The following PIP4K2A variants were observed in gnomAD, a reference collection of about 807,000 sequenced individuals.
PIP4K2A encodes phosphatidylinositol 5-phosphate 4-kinase type-2 alpha.
In PIP4K2A, 14 loss-of-function variants were observed where a neutral mutation model predicts 42.9. The observed-to-expected ratio is 0.33, with a 90% CI of 0.22 to 0.51. The LOEUF (loss-of-function observed/expected upper bound fraction) is 0.51, where lower values mean the gene tolerates loss of function less well. Ranked by LOEUF, PIP4K2A falls within the 20% of genes least tolerant of loss-of-function variation. The probability of loss-of-function intolerance (pLI) is 0.97; values close to 1 mark genes in which losing one functional copy is unlikely to be tolerated. For missense variants in PIP4K2A, 434 were observed against 519.8 expected, an observed-to-expected ratio of 0.83 and a Z score of 1.61; for synonymous variants, 192 against 192.2, an observed-to-expected ratio of 1.00 and a Z score of 0.01.
At chr10:22,673,846 C>T (rs1173562463) in intron 1 of PIP4K2A, among the ~76,000 whole-genome samples, 1 of 152,116 alleles carries the variant, frequency 6.6e-6, no homozygotes, top group Non-Finnish European at 1.5e-5. Flanking sequence ...CCTTTTTCTT[C>T]AGTAATACAC....
rs1833967811 is a variant in PIP4K2A, at chr10:22,714,222, G to T, written c.105C>A (p.Asp35Glu). ...CCCACATGAGGACGCTGAGCAGCGG[G>T]TCGCTGGCCCGAAACAGCTTCACTT... ...AQKVKLFRAS[D>E]PLLSVLMWGV... The change falls in exon 1 of 10, where the codon GAC becomes GAA. Residue 35 changes from aspartate (D) to glutamate (E), a missense_variant. Coordinates refer to ENST00000376573, the MANE Select transcript of PIP4K2A (RefSeq NM_005028.5). 13 of 1,611,954 alleles carry T rather than the reference G, an allele frequency of 8.1e-6. No homozygotes were observed. Among genetic ancestry groups the T allele is most frequent in the Non-Finnish European group, 1.1e-5 (13 of 1,178,920 alleles).
chr10:22,548,708 TAGAAG>T (rs1003876031), intron 7 of PIP4K2A, among the ~76,000 whole-genome samples: 2 of 152,180 alleles, frequency 1.3e-5, no homozygotes, highest in Non-Finnish European at 2.9e-5. Context: ...AGGAAAATGT[TAGAAG>T]AGAAAAGCAA....
At chr10:22,612,397 G>A (rs1025203972) in intron 1 of PIP4K2A, among the ~76,000 whole-genome samples, 4 of 152,242 alleles carry the variant, frequency 2.6e-5, no homozygotes, top group Non-Finnish European at 2.9e-5. Context: ...GCAATGGCTC[G>A]TGGAGAAAGG....
At chr10:22,569,938 C>T (rs1836945002) in intron 5 of PIP4K2A, among the ~76,000 whole-genome samples, 1 of 152,056 alleles carries the variant, frequency 6.6e-6, no homozygotes, top group South Asian at 2.1e-4. Context: ...TTATCTATGC[C>T]ACAAGCCAGA....
At chr10:22,554,549 G>C (rs1002973634) in intron 6 of PIP4K2A, among the ~76,000 whole-genome samples, 1 of 152,204 alleles carries the variant, frequency 6.6e-6, no homozygotes, top group Non-Finnish European at 1.5e-5. Flanking sequence ...CAGCCAGAGG[G>C]TGGAAGAAAC....
intron 1 of PIP4K2A, among the ~76,000 whole-genome samples, chr10:22,638,693 T>C (rs558359554): frequency 6.6e-6 from 1 of 152,324 alleles, no homozygotes; most frequent in South Asian, 2.1e-4. Flanking sequence ...TTTTCTATTG[T>C]TATTGTATGT....
chr10:22,596,856 C>T (rs144561615), intron 3 of PIP4K2A, among the ~76,000 whole-genome samples: 1,552 of 152,326 alleles, frequency 0.01, 9 homozygotes, highest in Non-Finnish European at 0.016. Context: ...CCTGCAGGGG[C>T]CCTGCCCAGA....
At chr10:22,606,807 T>A (rs1588659351) in intron 3 of PIP4K2A, among the ~76,000 whole-genome samples, 1 of 152,212 alleles carries the variant, frequency 6.6e-6, no homozygotes, top group Admixed American at 6.5e-5. Flanking sequence ...TAAGTCAGTA[T>A]ATGCTGAGCA....
chr10:22,544,156 T>A (rs1394851992), intron 7 of PIP4K2A, among the ~76,000 whole-genome samples: 1 of 152,042 alleles, frequency 6.6e-6, no homozygotes, highest in Non-Finnish European at 1.5e-5. Context: ...GCGCTGTGGG[T>A]CTCCGGAGGG....
chr10:22,620,223 T>G (rs545528164), intron 1 of PIP4K2A, among the ~76,000 whole-genome samples: 2 of 152,358 alleles, frequency 1.3e-5, no homozygotes, highest in East Asian at 3.9e-4. Context: ...TACAAAAGAA[T>G]GTAGTCATGT....
intron 6 of PIP4K2A, among the ~76,000 whole-genome samples, chr10:22,562,675 G>A (rs776127540): frequency 2.0e-5 from 3 of 152,132 alleles, no homozygotes; most frequent in African/African-American, 7.2e-5. Flanking sequence ...GATCTCTACC[G>A]AGCCGTGAAT....
chr10:22,654,337 A>C (rs941953675), intron 1 of PIP4K2A, among the ~76,000 whole-genome samples: 4 of 152,320 alleles, frequency 2.6e-5, no homozygotes, highest in African/African-American at 9.6e-5. Context: ...GAAATGAAAA[A>C]CACAGCTCTC....
intron 6 of PIP4K2A, among the ~76,000 whole-genome samples, chr10:22,560,508 G>A (rs1836662459): frequency 6.6e-6 from 1 of 152,218 alleles, no homozygotes; most frequent in South Asian, 2.1e-4. Flanking sequence ...ACCCTCAGTT[G>A]GTAATAGGTA....
chr10:22,555,555 G>A (rs1239937486), intron 6 of PIP4K2A, among the ~76,000 whole-genome samples: 1 of 152,050 alleles, frequency 6.6e-6, no homozygotes, highest in African/African-American at 2.4e-5. Flanking sequence ...GTGATGTTCT[G>A]GGCCAGTTGC....
intron 3 of PIP4K2A, among the ~76,000 whole-genome samples, chr10:22,607,061 G>A (rs187012465): frequency 6.7e-4 from 102 of 152,250 alleles, no homozygotes; most frequent in Non-Finnish European, 1.3e-3. Flanking sequence ...GTGGCATCAC[G>A]TTGATGATCA....
chr10:22,614,740 G>T (rs1564443628), intron 1 of PIP4K2A, among the ~76,000 whole-genome samples: 1 of 152,180 alleles, frequency 6.6e-6, no homozygotes, highest in Non-Finnish European at 1.5e-5. Context: ...TGGATTACTT[G>T]CAGAGCTGCT....
At chr10:22,671,525 C>T (rs1839449795) in intron 1 of PIP4K2A, among the ~76,000 whole-genome samples, 1 of 152,090 alleles carries the variant, frequency 6.6e-6, no homozygotes, top group Non-Finnish European at 1.5e-5. Context: ...AACAAGACTG[C>T]CCACCTGGGT....
At chr10:22,698,818 T>C (rs1833649626) in intron 1 of PIP4K2A, among the ~76,000 whole-genome samples, 1 of 152,234 alleles carries the variant, frequency 6.6e-6, no homozygotes, top group South Asian at 2.1e-4. Context: ...TATGGTAATT[T>C]TTTATATTTG....
intron 1 of PIP4K2A, among the ~76,000 whole-genome samples, chr10:22,610,166 G>A (rs1195886690): frequency 6.6e-6 from 1 of 152,216 alleles, no homozygotes; most frequent in African/African-American, 2.4e-5. Flanking sequence ...TCATCTGTGT[G>A]CTCTTTACTT....
Sources: gnomAD v4.1 joint callset for allele counts (sites outside exome capture counted in the v4.1 genomes callset) on GRCh38, gnomAD v4.1.1 for gene constraint, MANE v1.5 for transcripts, NCBI Gene and HGNC (gene_info 2026-07-23, HGNC 2026-07-21) for gene names.